The following IQSEC2 variants were observed in gnomAD, a reference collection of about 807,000 sequenced individuals.
IQSEC2 encodes IQ motif and Sec7 domain ArfGEF 2.
A neutral mutation model predicts 74.6 loss-of-function variants in IQSEC2; 6 were observed. That is an observed-to-expected ratio of 0.08 (90% CI 0.04 to 0.16). The LOEUF is 0.16. Among genes scored for constraint, IQSEC2 ranks in the 10% least tolerant of loss-of-function variants. IQSEC2 has a pLI of 1.00. For missense variants in IQSEC2, 734 were observed against 1,306.2 expected (o/e 0.56, Z 6.75); for synonymous variants, 494 against 544.5 (o/e 0.91, Z 1.29).
intron 10 of IQSEC2, 56 bp from the exon 11 acceptor site, chrX:53,239,350 C>T (rs1173498078): frequency 1.1e-5 from 8 of 728,302 alleles, no homozygotes; most frequent in East Asian, 3.2e-5. Context: ...GGGATTTCCA[C>T]GTGGCACCTA....
At chrX:53,231,063 C>CCATT (rs782082637), downstream of IQSEC2, 5 of 112,836 alleles carry the variant, frequency 4.4e-5, no homozygotes, top group East Asian at 1.1e-3. Flanking sequence ...AGACTTAGAA[C>CCATT]CATTCATTCA....
rs1556864761 is a variant in IQSEC2, at chrX:53,254,979, C to T, written c.1000-48G>A. On this transcript the variant is annotated intron_variant, in intron 3 of 14. Transcript: ENST00000642864. ...AACAAGGTCAGAAAGTCATGGCAGC[C>T]TCATCTCCCTAGGCACTCAACCACA... 5.2e-6 allele frequency: 6 copies of T among 1,150,665 alleles called. No homozygotes were observed. The Admixed American group carries it at 1.4e-4, about 26-fold the overall frequency. The allele number at this position is 1,150,665 out of a possible 1,213,427, so 94.8% of individuals were successfully genotyped here.
chrX:53,282,421 G>GT (rs1267703948), intron 2 of IQSEC2, among the ~76,000 whole-genome samples: 1 of 112,694 alleles, frequency 8.9e-6, no homozygotes, highest in Non-Finnish European at 1.9e-5. Context: ...AAAGGAGAGA[G>GT]TTTTTTGGCT....
intron 1 of IQSEC2, 134 bp from the exon 2 acceptor site, chrX:53,292,058 T>G: frequency 1.9e-6 from 1 of 515,685 alleles, no homozygotes; most frequent in Non-Finnish European, 3.2e-6. Flanking sequence ...GGTTATTTCA[T>G]GCGGAGAGAA....
In IQSEC2 at chrX:53,243,593, C is replaced by T. The variant is rs2074258118; in HGVS notation, c.2750-122G>A. 3 of 969,042 alleles carry T rather than the reference C, an allele frequency of 3.1e-6. No individual in the cohort carries two copies. In the South Asian group the frequency reaches 9.6e-5, roughly 31 times the overall value. 79.9% of individuals were successfully genotyped at this position (969,042 alleles called of 1,213,427 possible). The stretch of plus-strand genomic sequence containing the variant: ...AGTCAGGACTGAGGGTCAATGGGTA[C>T]CCTCGGCCCCTTAGCCAGGATTGGG... On this transcript the variant is annotated intron_variant, in intron 8 of 14. Transcript: ENST00000642864.
chrX:53,281,451 TG>T, intron 2 of IQSEC2: 2 of 790,571 alleles, frequency 2.5e-6, no homozygotes, highest in Non-Finnish European at 3.7e-6. Context: ...GGTCCAGGCC[TG>T]GGCAGGAAGG....
chrX:53,318,956 G>T (rs2075403682), intron 1 of IQSEC2, among the ~76,000 whole-genome samples: 1 of 112,870 alleles, frequency 8.9e-6, no homozygotes, highest in Admixed American at 9.3e-5. Flanking sequence ...AGCCCTGCCT[G>T]GGCAGGAAAG....
At position 53,312,373 on chromosome X, in the gene IQSEC2, T is replaced by C. The variant is rs920489840; in HGVS notation, c.707+8044A>G. The stretch of plus-strand genomic sequence containing the variant: ...CTGGATAGCACACTGCAATCGTCTA[T>C]TTCCACCACCACCTTCTCCACCCAA... On this transcript the variant is annotated intron_variant, in intron 1 of 14. Transcript: ENST00000642864. Among the ~76,000 whole-genome samples, 12 of 111,810 alleles carry C rather than the reference T, an allele frequency of 1.1e-4. 1 individual carries two copies. The highest frequency in any genetic ancestry group is 1.1e-3 in the Admixed American group (11 of 10,472).
At chrX:53,296,072 T>A (rs1911705020) in intron 1 of IQSEC2, among the ~76,000 whole-genome samples, 1 of 107,540 alleles carries the variant, frequency 9.3e-6, no homozygotes, top group Non-Finnish European at 1.9e-5. Context: ...AGTCTCACTC[T>A]GTCACCAGGC....
At chrX:53,229,232 A>C (rs781924219), downstream of IQSEC2, 1 of 112,350 alleles carries the variant, frequency 8.9e-6, no homozygotes, top group East Asian at 2.8e-4. Context: ...CACAGGACAC[A>C]GGGGCTTAGA....
chrX:53,281,599 C>A, intron 2 of IQSEC2: 3 of 1,085,756 alleles, frequency 2.8e-6, no homozygotes, highest in Non-Finnish European at 3.6e-6. Context: ...TCCTCCCCAG[C>A]CCTTCCCTAG....
chrX:53,265,080 G>T (rs1187183379), intron 2 of IQSEC2, among the ~76,000 whole-genome samples: 2 of 111,211 alleles, frequency 1.8e-5, no homozygotes, highest in African/African-American at 6.6e-5. Context: ...TCTTACTTTG[G>T]ATCTCTCACA....
At chrX:53,248,352 C>A in intron 6 of IQSEC2, 116 bp from the exon 7 acceptor site, 1 of 951,137 alleles carries the variant, frequency 1.1e-6, no homozygotes, top group Non-Finnish European at 1.5e-6. Flanking sequence ...AAATTCAGGA[C>A]CTGTGGCCCG....
At chrX:53,261,787 A>G (rs975592336) in intron 2 of IQSEC2, among the ~76,000 whole-genome samples, 9 of 111,794 alleles carry the variant, frequency 8.1e-5, no homozygotes, top group African/African-American at 2.9e-4. Context: ...ACCACAGTAC[A>G]AAGCAGAAAG....
chrX:53,273,871 TC>T (rs1413046116), intron 2 of IQSEC2, among the ~76,000 whole-genome samples: 3 of 112,544 alleles, frequency 2.7e-5, no homozygotes, highest in Admixed American at 1.9e-4. Flanking sequence ...TTTTAATTTT[TC>T]AGTATCACAA....
At position 53,256,633 on chromosome X, in the gene IQSEC2, C is replaced by T. The variant is rs191899218; in HGVS notation, c.738-572G>A. On this transcript the variant is annotated intron_variant, in intron 2 of 14. Transcript: ENST00000642864. ...CCCCTCATCCGCCCAGCCCTGTCCC[C>T]TGCAGCCTGGCCCCTGCCCCCTGGT... Among the ~76,000 whole-genome samples, 767 of 112,000 alleles carry T rather than the reference C, an allele frequency of 6.8e-3. 4 individuals are homozygous for T. The highest frequency in any genetic ancestry group is 0.011 in the Non-Finnish European group (587 of 52,961).
rs782095203 is a variant in IQSEC2, at chrX:53,234,993, G to A, written c.3693C>T (p.Ser1231=). 1 of 1,165,590 alleles carries A rather than the reference G, an allele frequency of 8.6e-7. No individual in the cohort carries two copies. The highest frequency in any genetic ancestry group is 1.9e-5 in the South Asian group (1 of 52,525). ...PPPPTGQASA[S]SSSASSTHHH... is the part of the protein sequence containing the mutation. ...GGTGCGTGGAAGAAGCAGATGAAGA[G>A]GAGGCAGAGGCCTGGCCTGTTGGCG... The change falls in exon 15 of 15, where the codon TCC becomes TCT. Residue 1231 remains serine, a synonymous_variant. Transcript: ENST00000642864.
rs1271938151 is a variant in IQSEC2 at position 53,233,193 on chromosome X, G to T, written c.*1026C>A. On this transcript the variant is annotated 3_prime_UTR_variant, in exon 15 of 15. Coordinates refer to ENST00000642864, the MANE Select transcript of IQSEC2 (RefSeq NM_001111125.3). ...GGGCTGCAAAAGGGCTGGAGAGGCA[G>T]CGGAGATTCTGACGGACAGAAGGAC... 1 of 112,159 alleles carries T rather than the reference G, an allele frequency of 8.9e-6. No individual in the cohort carries two copies. Among genetic ancestry groups the T allele is most frequent in the African/African-American group, 3.2e-5 (1 of 30,808 alleles). 9.2% of individuals were successfully genotyped at this position (112,159 alleles called of 1,213,427 possible). A position where few individuals can be genotyped will look rare whatever the true frequency, so the allele number is the denominator to read the frequency against.
rs1051423162 is a variant in IQSEC2, at chrX:53,237,262, C to T, written c.3278-767G>A. On this transcript the variant is annotated intron_variant, in intron 12 of 14. Transcript: ENST00000642864. The stretch of plus-strand genomic sequence containing the variant: ...GGCCTCCTACAGCCCCACCTCCCCA[C>T]GGAGCTCATAGAAACACGTGTCTAC... Among the ~76,000 whole-genome samples the T allele has an allele frequency of 4.5e-5, 5 of 111,526 alleles. No individual in the cohort carries two copies. The Admixed American group carries it at 4.7e-4, about 11-fold the overall frequency.
Sources: allele counts gnomAD v4.1 joint callset (sites outside exome capture counted in the v4.1 genomes callset), GRCh38; gene constraint gnomAD v4.1.1; transcripts MANE v1.5; gene names NCBI Gene and HGNC (gene_info 2026-07-23, HGNC 2026-07-21).